RAP1GAP: variants seen among roughly 807,000 people sequenced by gnomAD.
RAP1GAP encodes RAP1 GTPase activating protein.
In RAP1GAP, 35 loss-of-function variants were observed where a neutral mutation model predicts 87.2. That is an observed-to-expected ratio of 0.40 (90% CI 0.31 to 0.53). The LOEUF is 0.53. RAP1GAP is among the 20% of genes least tolerant of loss of function. The pLI is 0.48. For missense variants in RAP1GAP, 734 were observed against 898.9 expected (o/e 0.82, Z 2.35); for synonymous variants, 375 against 363.9 (o/e 1.03, Z -0.35).
At chr1:21,616,989 G>A (rs2082584896) in intron 7 of RAP1GAP, among the ~76,000 whole-genome samples, 1 of 152,252 alleles carries the variant, frequency 6.6e-6, no homozygotes, top group East Asian at 1.9e-4. Context: ...AGGAAATGAG[G>A]CACAGAGAAG....
chr1:21,660,607 T>G (rs1321657225), intron 1 of RAP1GAP, among the ~76,000 whole-genome samples: 1 of 151,864 alleles, frequency 6.6e-6, no homozygotes, highest in Non-Finnish European at 1.5e-5. Flanking sequence ...GTGCCAGGAT[T>G]ACAGGCAAGA....
intron 2 of RAP1GAP, among the ~76,000 whole-genome samples, chr1:21,641,074 ATTT>A (rs546229041): frequency 1.4e-4 from 18 of 132,110 alleles, no homozygotes; most frequent in Middle Eastern, 4.0e-3. Context: ...CGCCCAGCTA[ATTT>A]TTTTTTTTTT....
In RAP1GAP at chr1:21,615,911, C is replaced by T. The variant is rs111405449; in HGVS notation, c.291+1395G>A. Among the ~76,000 whole-genome samples the T allele has an allele frequency of 8.1e-4, 124 of 152,290 alleles. 1 individual carries two copies. The highest frequency in any genetic ancestry group is 2.7e-3 in the African/African-American group (114 of 41,554). On this transcript the variant is annotated intron_variant, in intron 7 of 24. Coordinates refer to ENST00000374765, the MANE Select transcript of RAP1GAP (RefSeq NM_002885.4). This position sits in a 1 kb window ranked among gnomAD's most constrained non-coding sequence, Gnocchi z 4.5. ...GCAGGTGCCTAGGATGCAGGTCTCGCTCCACCTCTAGGGCTCAGCTGGGAA... is the reference window on the plus strand; with the variant it reads ...GCAGGTGCCTAGGATGCAGGTCTCGTTCCACCTCTAGGGCTCAGCTGGGAA...
chr1:21,640,308 G>C (rs1018582187), intron 2 of RAP1GAP, among the ~76,000 whole-genome samples: 2 of 152,178 alleles, frequency 1.3e-5, no homozygotes, highest in African/African-American at 4.8e-5. Flanking sequence ...TTTCCCAGAA[G>C]CCTGTCTTGG....
Position 21,646,694 on chromosome 1 carries a change from T to G in RAP1GAP, c.-113+3067A>C, listed in dbSNP as rs139644540. Among the ~76,000 whole-genome samples the G allele has an allele frequency of 1.1e-4, 16 of 152,338 alleles. No homozygotes were observed. The East Asian group carries it at 2.9e-3, about 28-fold the overall frequency. On this transcript the variant is annotated intron_variant, in intron 2 of 24. Coordinates refer to ENST00000374765, the MANE Select transcript of RAP1GAP (RefSeq NM_002885.4). ...AGTCCACTTGACCATTCCTCTACCCTGACACCTCTCTACCTCCCACCATCC... is the reference window on the plus strand; with the variant it reads ...AGTCCACTTGACCATTCCTCTACCCGGACACCTCTCTACCTCCCACCATCC...
chr1:21,608,815 A>T, intron 16 of RAP1GAP, 35 bp downstream of exon 16: 1 of 1,575,906 alleles, frequency 6.3e-7, no homozygotes, highest in Non-Finnish European at 8.7e-7. Context: ...GGAAGGTGAG[A>T]AGAGGGTCAC....
At chr1:21,637,376 A>G (rs1261447162) in intron 2 of RAP1GAP, among the ~76,000 whole-genome samples, 2 of 150,240 alleles carry the variant, frequency 1.3e-5, no homozygotes, top group Non-Finnish European at 3.0e-5. Context: ...GCTGGTCTGA[A>G]CTCCTGGATC....
chr1:21,657,448 A>C (rs1407257077), intron 1 of RAP1GAP, among the ~76,000 whole-genome samples: 2 of 152,262 alleles, frequency 1.3e-5, no homozygotes, highest in Non-Finnish European at 2.9e-5. Flanking sequence ...ACAAACACGC[A>C]TGGAGCATCC....
At chr1:21,627,402 CCTT>C (rs202242956) in intron 2 of RAP1GAP, among the ~76,000 whole-genome samples, 38 of 138,840 alleles carry the variant, frequency 2.7e-4, no homozygotes, top group African/African-American at 9.5e-4. Context: ...TGTGAGCCTC[CCTT>C]CTTCTTTTTT....
intron 2 of RAP1GAP, among the ~76,000 whole-genome samples, chr1:21,630,712 TA>T (rs2093566144): frequency 6.6e-6 from 1 of 151,598 alleles, no homozygotes; most frequent in East Asian, 1.9e-4. Context: ...CTCGGCTAAT[TA>T]AAAATAAATT....
Position 21,603,642 on chromosome 1 carries a change from G to A in RAP1GAP, c.1429-729C>T, listed in dbSNP as rs772026809. The stretch of plus-strand genomic sequence containing the variant: ...CAGAAGCCCCTGGTGAGGGGCACTG[G>A]CTCTGGCACAGGTACCAGGCCCCAA... On this transcript the variant is annotated intron_variant, in intron 18 of 24. Transcript: ENST00000374765. This position sits in a 1 kb window ranked among gnomAD's most constrained non-coding sequence, Gnocchi z 6.0. 2 of 759,894 alleles carry A rather than the reference G, an allele frequency of 2.6e-6. No homozygotes were observed. Among genetic ancestry groups the A allele is most frequent in the South Asian group, 1.4e-5 (1 of 72,380 alleles). The allele number at this position is 759,894 out of a possible 1,614,324, so 47.1% of individuals were successfully genotyped here.
intron 2 of RAP1GAP, among the ~76,000 whole-genome samples, chr1:21,646,597 G>T (rs146821696): frequency 6.6e-6 from 1 of 152,146 alleles, no homozygotes; most frequent in Non-Finnish European, 1.5e-5. Flanking sequence ...CACCTCCCAG[G>T]CTCCTAGTTT....
chr1:21,635,416 C>T (rs1213881979), intron 2 of RAP1GAP, among the ~76,000 whole-genome samples: 1 of 152,182 alleles, frequency 6.6e-6, no homozygotes, highest in Admixed American at 6.5e-5. Context: ...TCATTCAGAA[C>T]ACATGTCCTG....
At chr1:21,661,587 T>G (rs1321355609) in intron 1 of RAP1GAP, among the ~76,000 whole-genome samples, 1 of 152,234 alleles carries the variant, frequency 6.6e-6, no homozygotes, top group Non-Finnish European at 1.5e-5. Context: ...TCATAACCTC[T>G]CAAAGCCTCA....
At position 21,599,558 on chromosome 1, in the gene RAP1GAP, C is replaced by T. The variant is rs763166487; in HGVS notation, c.1712G>A (p.Ser571Asn). 8 of 1,609,610 alleles carry T rather than the reference C, an allele frequency of 5.0e-6. No homozygotes were observed. In the South Asian group the frequency reaches 8.8e-5, roughly 18 times the overall value. ...ALKDFSRSSS[S>N]ASSFASVVEE... ...CACCACGCTGGCGAAGCTGCTGGCA[C>T]TGGACGAGGAGCGGGAGAAGTCCTT... Residue 571 changes from serine to asparagine, a missense_variant, in exon 21 of 25, where the codon AGT (serine) becomes AAT (asparagine). By Grantham distance (46) the Ser-to-Asn change is conservative. Coordinates refer to ENST00000374765, the MANE Select transcript of RAP1GAP (RefSeq NM_002885.4).
At position 21,636,914 on chromosome 1, in the gene RAP1GAP, AAGGGAGGGAGGG is replaced by A. The variant is rs1217233454; in HGVS notation, c.-112-10529_-112-10518del. ...GAAGGAAGGAAGGAGGGAAGGAAGG[AAGGGAGGGAGGG>A]AGGGAGGGAGGGAGGGAGGAAGGGA... On this transcript the variant is annotated intron_variant, in intron 2 of 24. Transcript: ENST00000374765. Among the ~76,000 whole-genome samples, 681 of 102,488 alleles carry A rather than the reference AAGGGAGGGAGGG, an allele frequency of 6.6e-3. 4 individuals carry two copies. The highest frequency in any genetic ancestry group is 9.5e-3 in the Non-Finnish European group (510 of 53,942). The allele number at this position is 102,488 out of a possible 152,430, so 67.2% of individuals were successfully genotyped here. A position where few individuals can be genotyped will look rare whatever the true frequency, so the allele number is the denominator to read the frequency against.
Position 21,660,353 on chromosome 1 carries a change from T to TAGAGAGAGAGAGAGAGAGAGAGAGA in RAP1GAP, c.-149+8900_-149+8901insTCTCTCTCTCTCTCTCTCTCTCTCT. Among the ~76,000 whole-genome samples the TAGAGAGAGAGAGAGAGAGAGAGAGA allele has an allele frequency of 1.2e-3, 32 of 26,842 alleles. 8 individuals carry two copies. Among genetic ancestry groups the TAGAGAGAGAGAGAGAGAGAGAGAGA allele is most frequent in the Middle Eastern group, 0.016 (1 of 62 alleles). The allele number at this position is 26,842 out of a possible 152,430, so 17.6% of individuals were successfully genotyped here. On this transcript the variant is annotated intron_variant, in intron 1 of 24. Coordinates refer to ENST00000374765, the MANE Select transcript of RAP1GAP (RefSeq NM_002885.4). ...TTCCAACTCAGCTATATATATTTAT[T>TAGAGAGAGAGAGAGAGAGAGAGAGA]GAGACAGTCTCGCTCTGTCACCCAG...
rs756763351 is a variant in RAP1GAP at position 21,603,792 on chromosome 1, C to T, written c.1429-879G>A. ...TCCTGAGAGCGAGCAGAGAACAGCG[C>T]GTGCAGGCAGCCTCCAGAGCCGGCG... On this transcript the variant is annotated intron_variant, in intron 18 of 24. Transcript: ENST00000374765. The surrounding 1 kb of genome is among the most constrained non-coding windows in gnomAD (Gnocchi z 6.0). 8 of 1,564,508 alleles carry T rather than the reference C, an allele frequency of 5.1e-6. No homozygotes were observed. Among genetic ancestry groups the T allele is most frequent in the African/African-American group, 2.7e-5 (2 of 73,834 alleles).
intron 2 of RAP1GAP, among the ~76,000 whole-genome samples, chr1:21,642,025 T>C (rs1421031467): frequency 6.6e-6 from 1 of 152,178 alleles, no homozygotes; most frequent in Admixed American, 6.5e-5. Flanking sequence ...GCAGGGGCCA[T>C]GAACACCCCC....
Sources: allele counts gnomAD v4.1 joint callset (sites outside exome capture counted in the v4.1 genomes callset), GRCh38; gene constraint gnomAD v4.1.1; non-coding constraint Gnocchi (gnomAD v3.1); transcripts MANE v1.5; gene names NCBI Gene and HGNC (gene_info 2026-07-23, HGNC 2026-07-21).